The following RFX8 variants were observed in gnomAD, a reference collection of about 807,000 sequenced individuals.
RFX8 encodes the protein regulatory factor X8, also known as DNA-binding protein RFX8.
A neutral mutation model predicts 54.6 loss-of-function variants in RFX8; 46 were observed. The observed-to-expected ratio is 0.84, with a 90% CI of 0.67 to 1.08. RFX8 has a LOEUF of 1.08. RFX8 is among the 50% of genes least tolerant of loss of function. RFX8 has a pLI of 0.00. For missense variants in RFX8, 536 were observed against 562.3 expected, an observed-to-expected ratio of 0.95 and a Z score of 0.47; for synonymous variants, 192 against 209.5, an observed-to-expected ratio of 0.92 and a Z score of 0.72.
intron 1 of RFX8, among the ~76,000 whole-genome samples, chr2:101,469,109 T>TGTATATATATATAAGTATATATATATAA (rs1278962631): frequency 7.7e-5 from 2 of 26,050 alleles, no homozygotes; most frequent in Non-Finnish European, 1.8e-4. Flanking sequence ...TATATATAAG[T>TGTATATATATATAAGTATATATATATAA]GTATATATAT....
intron 4 of RFX8, chr2:101,421,169 G>T: frequency 1.2e-6 from 1 of 801,662 alleles, no homozygotes; most frequent in Non-Finnish European, 1.5e-6. Flanking sequence ...ATATACTAAA[G>T]CATCAGGAAA....
At chr2:101,413,635 A>C (rs937925767) in intron 7 of RFX8, among the ~76,000 whole-genome samples, 5 of 152,194 alleles carry the variant, frequency 3.3e-5, no homozygotes, top group Non-Finnish European at 7.3e-5. Flanking sequence ...TTTACAGAGG[A>C]CACAGAGGGC....
At chr2:101,461,862 C>T (rs1357633394) in intron 2 of RFX8, among the ~76,000 whole-genome samples, 2 of 152,144 alleles carry the variant, frequency 1.3e-5, no homozygotes, top group Admixed American at 1.3e-4. Flanking sequence ...CAAAAGTCCT[C>T]ACCTTATAAC....
chr2:101,447,178 C>T (rs1181935432), intron 2 of RFX8, among the ~76,000 whole-genome samples: 5 of 152,188 alleles, frequency 3.3e-5, no homozygotes, highest in African/African-American at 1.2e-4. Flanking sequence ...AGAGGTCTCT[C>T]AGACCTGCCT....
In RFX8 at chr2:101,439,193, C is replaced by T. The variant is rs561313205; in HGVS notation, c.73-16721G>A. On this transcript the variant is annotated intron_variant, in intron 2 of 11. Coordinates refer to ENST00000428343, the MANE Select transcript of RFX8 (RefSeq NM_001145664.2). ...ATGTGCTTATTTACAATTGCTTTAT[C>T]GTATGTTTATGTCTTTTGCCCATTT... Among the ~76,000 whole-genome samples, 4 of 152,206 alleles carry T rather than the reference C, an allele frequency of 2.6e-5. No homozygotes were observed. In the East Asian group the frequency reaches 7.7e-4, roughly 29 times the overall value.
intron 6 of RFX8, among the ~76,000 whole-genome samples, chr2:101,415,595 T>C (rs753403349): frequency 6.9e-6 from 1 of 144,898 alleles, no homozygotes; most frequent in South Asian, 2.4e-4. Context: ...AGGGAACGCA[T>C]AGAAACAGGT....
At chr2:101,418,347 G>A (rs1558851161) in intron 5 of RFX8, among the ~76,000 whole-genome samples, 1 of 152,098 alleles carries the variant, frequency 6.6e-6, no homozygotes, top group Non-Finnish European at 1.5e-5. Context: ...GTACTAGATG[G>A]TTTCCTTAAA....
At chr2:101,465,811 G>A (rs1430999440) in intron 2 of RFX8, among the ~76,000 whole-genome samples, 2 of 152,136 alleles carry the variant, frequency 1.3e-5, no homozygotes, top group Non-Finnish European at 2.9e-5. Flanking sequence ...CCAAAAAAAG[G>A]TAAGCGCTCT....
chr2:101,469,102 A>ACG (rs1689813431), intron 1 of RFX8, among the ~76,000 whole-genome samples: 1 of 27,172 alleles, frequency 3.7e-5, no homozygotes, highest in Non-Finnish European at 1.0e-4. Context: ...AAGTATATAT[A>ACG]TATAAGTGTA....
intron 8 of RFX8, among the ~76,000 whole-genome samples, 175 bp downstream of exon 8, chr2:101,412,740 G>A (rs750742829): frequency 3.3e-5 from 5 of 152,184 alleles, no homozygotes; most frequent in Non-Finnish European, 5.9e-5. Context: ...GGGACAGGGC[G>A]TCCCCTGGGG....
At chr2:101,414,811 G>T in intron 7 of RFX8, 43 bp downstream of exon 7, 1 of 1,444,676 alleles carries the variant, frequency 6.9e-7, no homozygotes, top group Non-Finnish European at 9.5e-7. Context: ...CCTCTTTTCA[G>T]GAAACTGCTT....
At chr2:101,415,592 G>A (rs1023738898) in intron 6 of RFX8, among the ~76,000 whole-genome samples, 12 of 148,548 alleles carry the variant, frequency 8.1e-5, no homozygotes, top group Middle Eastern at 3.4e-3. Context: ...AAAAGGGAAC[G>A]CATAGAAACA....
At chr2:101,398,887 C>T (rs774896103) in intron 11 of RFX8, among the ~76,000 whole-genome samples, 1 of 152,140 alleles carries the variant, frequency 6.6e-6, no homozygotes, top group Non-Finnish European at 1.5e-5. Flanking sequence ...TCTCTAAATT[C>T]GACAAAAACC....
chr2:101,416,674 G>T (rs1022871347), intron 6 of RFX8, among the ~76,000 whole-genome samples: 1 of 152,190 alleles, frequency 6.6e-6, no homozygotes, highest in Non-Finnish European at 1.5e-5. Context: ...ACAAAGGCAA[G>T]AGGGAGAAAA....
chr2:101,459,722 C>A (rs1436601927), intron 2 of RFX8, among the ~76,000 whole-genome samples: 1 of 152,164 alleles, frequency 6.6e-6, no homozygotes, highest in African/African-American at 2.4e-5. Flanking sequence ...TCTGTCCGTT[C>A]TCAGAGCTTG....
intron 2 of RFX8, among the ~76,000 whole-genome samples, chr2:101,426,470 G>A (rs1016193298): frequency 6.6e-6 from 1 of 152,202 alleles, no homozygotes; most frequent in Non-Finnish European, 1.5e-5. Flanking sequence ...AGTGAGCTGT[G>A]ATCGTGCCAC....
chr2:101,453,481 T>C (rs1688809676), intron 2 of RFX8, among the ~76,000 whole-genome samples: 1 of 151,458 alleles, frequency 6.6e-6, no homozygotes. Flanking sequence ...CTACTAAAAA[T>C]ACAAAAATTA....
chr2:101,405,997 G>C lies in RFX8; in HGVS notation c.874C>G (p.Leu292Val). The C allele has an allele frequency of 1.9e-6, 3 of 1,549,684 alleles. No individual in the cohort carries two copies. Among genetic ancestry groups the C allele is most frequent in the Non-Finnish European group, 2.6e-6 (3 of 1,146,160 alleles). ...LAASFQLRWN[L>V]LLTAVSKAMT... The stretch of plus-strand genomic sequence containing the variant: ...GCTTTGCTTACAGCAGTGAGAAGAA[G>C]ATTCCATCTCAGCTGGAAGCTGGCG... The change falls in exon 10 of 12, where the codon CTT becomes GTT. Residue 292 changes from leucine (L) to valine (V), a missense_variant. By Grantham distance (32) the Leu-to-Val change is conservative. Transcript: ENST00000428343.
In RFX8 at chr2:101,421,777, T is replaced by C. The variant is rs775822262; in HGVS notation, c.184A>G (p.Met62Val). 14 of 1,548,094 alleles carry C rather than the reference T, an allele frequency of 9.0e-6. 1 individual carries two copies. Among genetic ancestry groups the C allele is most frequent in the Admixed American group, 7.9e-5 (4 of 50,420 alleles). Residue 62 changes from methionine to valine, a missense_variant and splice_region_variant, in exon 4 of 12, where the codon ATG becomes GTG. Physicochemically the swap from Met to Val is conservative, Grantham distance 21. Transcript: ENST00000428343. Reference protein sequence around the residue: ...EQAKKYSCNMMAFLADEYCNY... With the variant: ...EQAKKYSCNMVAFLADEYCNY... ...CAGTATTCGTCAGCAAGGAAGGCCATCTAGGAAGAATATGGAAAATTATTT... is the reference window on the plus strand; with the variant it reads ...CAGTATTCGTCAGCAAGGAAGGCCACCTAGGAAGAATATGGAAAATTATTT...
Sources: allele counts gnomAD v4.1 joint callset (sites outside exome capture counted in the v4.1 genomes callset), GRCh38; gene constraint gnomAD v4.1.1; transcripts MANE v1.5; gene names NCBI Gene and HGNC (gene_info 2026-07-23, HGNC 2026-07-21).